Variants in SNTG1 observed in about 807,000 individuals in gnomAD.
SNTG1 encodes gamma-1-syntrophin.
Under a neutral mutation model 74.7 loss-of-function variants are expected in SNTG1, and 39 were observed. The observed-to-expected ratio is 0.52, with a 90% confidence interval of 0.40 to 0.68. The LOEUF (loss-of-function observed/expected upper bound fraction) is 0.68. Among genes scored for constraint, SNTG1 ranks in the 30% least tolerant of loss-of-function variants. SNTG1 has a pLI of 0.00. For missense variants in SNTG1, 685 were observed against 609.5 expected, an observed-to-expected ratio of 1.12 and a Z score of -1.30; for synonymous variants, 254 against 217.1, an observed-to-expected ratio of 1.17 and a Z score of -1.49.
chr8:49,935,494 T>A (rs1177380077), intron 1 of SNTG1, among the ~76,000 whole-genome samples: 3 of 121,308 alleles, frequency 2.5e-5, no homozygotes, highest in Non-Finnish European at 3.3e-5. Context: ...GGAAAAAAAG[T>A]GGCTTCATGT....
intron 2 of SNTG1, among the ~76,000 whole-genome samples, chr8:50,339,545 C>T (rs907814863): frequency 1.3e-5 from 2 of 151,908 alleles, no homozygotes; most frequent in Non-Finnish European, 2.9e-5. Context: ...AAACCACATG[C>T]ATTATCCATG....
At chr8:50,394,079 C>A in intron 2 of SNTG1, 133 bp from the exon 3 acceptor site, 1 of 575,262 alleles carries the variant, frequency 1.7e-6, no homozygotes, top group Non-Finnish European at 3.0e-6. Flanking sequence ...TACCCTGGAG[C>A]TCTTGTTCCT....
At chr8:50,397,993 T>C (rs2092750097) in intron 3 of SNTG1, among the ~76,000 whole-genome samples, 1 of 152,220 alleles carries the variant, frequency 6.6e-6, no homozygotes, top group Non-Finnish European at 1.5e-5. Flanking sequence ...ATGACCACAT[T>C]TCATGAGTGA....
At chr8:50,437,756 G>A (rs1273551590) in intron 4 of SNTG1, among the ~76,000 whole-genome samples, 1 of 152,164 alleles carries the variant, frequency 6.6e-6, no homozygotes, top group Non-Finnish European at 1.5e-5. Context: ...CAGCCCTATA[G>A]CATGCCTCCG....
intron 2 of SNTG1, among the ~76,000 whole-genome samples, chr8:50,358,473 A>T (rs1398040923): frequency 1.3e-5 from 2 of 152,160 alleles, no homozygotes; most frequent in African/African-American, 4.8e-5. Context: ...AAATCACATA[A>T]AGTGGGATGG....
At chr8:50,319,174 C>T (rs7357549) in intron 2 of SNTG1, among the ~76,000 whole-genome samples, 83,260 of 151,852 alleles carry the variant, frequency 0.55, 24,690 homozygotes, top group East Asian at 0.84. Flanking sequence ...GAAATGATTT[C>T]ATATTTATAG....
chr8:50,397,646 C>A (rs149510732), intron 3 of SNTG1, among the ~76,000 whole-genome samples: 1,570 of 152,272 alleles, frequency 0.01, 7 homozygotes, highest in Middle Eastern at 0.048. Flanking sequence ...TTATGTTGTT[C>A]TTTTCAAAAT....
At position 50,402,356 on chromosome 8, in the gene SNTG1, T is replaced by G. The variant is rs758966907; in HGVS notation, c.162+12T>G. 4.6e-5 allele frequency: 72 copies of G among 1,568,792 alleles called. No individual in the cohort carries two copies. The highest frequency in any genetic ancestry group is 9.4e-6 in the Non-Finnish European group (11 of 1,164,582). On this transcript the variant is annotated intron_variant, in intron 4 of 18. Transcript: ENST00000642720. ...CTTTCTATTCTGGTGTAAGTAGCTT[T>G]TTCTTCTGTTGAAATTTTTTGTGTT...
chr8:50,183,724 T>C (rs1329779696), intron 2 of SNTG1, among the ~76,000 whole-genome samples: 2 of 152,198 alleles, frequency 1.3e-5, no homozygotes, highest in East Asian at 1.9e-4. Flanking sequence ...ACAACTATGC[T>C]GATGAGTTCG....
intron 1 of SNTG1, among the ~76,000 whole-genome samples, chr8:49,935,898 T>C (rs140246570): frequency 1.6e-4 from 24 of 152,376 alleles, no homozygotes; most frequent in Middle Eastern, 3.4e-3. Context: ...TAACTGTGCC[T>C]TTTCTATTTT....
At chr8:50,015,948 C>T (rs561739925) in intron 1 of SNTG1, among the ~76,000 whole-genome samples, 43 of 152,152 alleles carry the variant, frequency 2.8e-4, no homozygotes, top group African/African-American at 3.6e-4. Context: ...ATTGGTTGTG[C>T]GACATGCAGT....
intron 8 of SNTG1, among the ~76,000 whole-genome samples, chr8:50,480,315 C>T (rs150394732): frequency 1.7e-4 from 25 of 151,378 alleles, no homozygotes; most frequent in South Asian, 6.5e-4. Flanking sequence ...AATGTGAGGA[C>T]CAGCCTGTAA....
chr8:50,572,684 TTCTTC>T (rs1360829350), intron 12 of SNTG1, among the ~76,000 whole-genome samples: 2 of 152,162 alleles, frequency 1.3e-5, no homozygotes, highest in Non-Finnish European at 1.5e-5. Context: ...CATGTTTAAA[TTCTTC>T]TCTTCTCATG....
At chr8:49,916,739 C>T (rs765420174) in intron 1 of SNTG1, among the ~76,000 whole-genome samples, 13 of 152,012 alleles carry the variant, frequency 8.6e-5, no homozygotes, top group Non-Finnish European at 1.5e-4. Flanking sequence ...AGTACAGTGG[C>T]TCATGCCTAT....
chr8:50,457,544 A>G (rs2093517470), intron 8 of SNTG1, among the ~76,000 whole-genome samples: 1 of 152,236 alleles, frequency 6.6e-6, no homozygotes, highest in Non-Finnish European at 1.5e-5. Context: ...AACACTTTTT[A>G]TATGACAATG....
chr8:49,973,625 A>C (rs1287550727), intron 1 of SNTG1, among the ~76,000 whole-genome samples: 1 of 152,198 alleles, frequency 6.6e-6, no homozygotes, highest in Non-Finnish European at 1.5e-5. Flanking sequence ...TATCTTATAG[A>C]ATTAGAAATA....
intron 17 of SNTG1, among the ~76,000 whole-genome samples, chr8:50,740,501 A>G (rs2095540590): frequency 6.6e-6 from 1 of 152,032 alleles, no homozygotes; most frequent in African/African-American, 2.4e-5. Context: ...CAATGCTGAC[A>G]AGGTTGTAGA....
chr8:50,491,551 A>G, intron 8 of SNTG1: 1 of 152,262 alleles, frequency 6.6e-6, no homozygotes, highest in East Asian at 1.9e-4. Context: ...GCTGGCGGTC[A>G]GCAGCCCCTT....
At chr8:50,047,390 T>C (rs1479629993) in intron 1 of SNTG1, among the ~76,000 whole-genome samples, 9 of 152,244 alleles carry the variant, frequency 5.9e-5, no homozygotes, top group Non-Finnish European at 4.4e-5. Flanking sequence ...ATCATTTACC[T>C]ATATGCAGAC....
Sources: allele counts gnomAD v4.1 joint callset (sites outside exome capture counted in the v4.1 genomes callset), GRCh38; gene constraint gnomAD v4.1.1; transcripts MANE v1.5; gene names NCBI Gene and HGNC (gene_info 2026-07-23, HGNC 2026-07-21).